Variants in LHFPL3 observed in about 807,000 individuals in gnomAD.
LHFPL3 encodes LHFPL tetraspan subfamily member 3 protein.
A neutral mutation model predicts 19.3 loss-of-function variants in LHFPL3; 5 were observed. That is an observed-to-expected ratio of 0.26 (90% CI 0.14 to 0.54). LHFPL3 has a LOEUF of 0.54. Among genes scored for constraint, LHFPL3 ranks in the 20% least tolerant of loss-of-function variants. LHFPL3 has a pLI of 0.94. For missense variants in LHFPL3, 249 were observed against 307.4 expected, an observed-to-expected ratio of 0.81 and a Z score of 1.42; for synonymous variants, 133 against 126.2, an observed-to-expected ratio of 1.05 and a Z score of -0.36.
rs140107685 is a variant in LHFPL3 at position 104,505,575 on chromosome 7, T to C, written c.445+176351T>C. On this transcript the variant is annotated intron_variant, in intron 1 of 2. Coordinates refer to ENST00000424859, the MANE Select transcript of LHFPL3 (RefSeq NM_199000.3). ...TCTGAGCATGGATGACTGAGTTGTT[T>C]TGTTTGATAGGAAAAAAAAAATTTA... Among the ~76,000 whole-genome samples the C allele has an allele frequency of 1.6e-3, 247 of 152,300 alleles. 1 individual carries two copies. The highest frequency in any genetic ancestry group is 3.5e-3 in the Admixed American group (54 of 15,284).
chr7:104,815,397 C>T (rs1790544689), intron 2 of LHFPL3, among the ~76,000 whole-genome samples: 1 of 152,158 alleles, frequency 6.6e-6, no homozygotes, highest in Non-Finnish European at 1.5e-5. Context: ...TGGCAATGTC[C>T]TATTTCTTGA....
intron 1 of LHFPL3, among the ~76,000 whole-genome samples, chr7:104,563,368 G>A (rs1348221783): frequency 7.2e-5 from 11 of 152,300 alleles, no homozygotes; most frequent in Admixed American, 1.3e-4. Context: ...AGCCAGGTGC[G>A]GGATATAATC....
chr7:104,627,767 G>C (rs1791573976), intron 1 of LHFPL3, among the ~76,000 whole-genome samples: 1 of 152,188 alleles, frequency 6.6e-6, no homozygotes, highest in South Asian at 2.1e-4. Flanking sequence ...TGTAGCTGCT[G>C]TGTGCTGAGA....
At chr7:104,563,754 G>T (rs566981353) in intron 1 of LHFPL3, among the ~76,000 whole-genome samples, 2 of 152,162 alleles carry the variant, frequency 1.3e-5, no homozygotes, top group Non-Finnish European at 1.5e-5. Context: ...CCACACACCA[G>T]ATCTGCCAGC....
chr7:104,358,123 C>T (rs1748700770), intron 1 of LHFPL3, among the ~76,000 whole-genome samples: 1 of 152,120 alleles, frequency 6.6e-6, no homozygotes, highest in African/African-American at 2.4e-5. Flanking sequence ...AGAAGAGACA[C>T]ATTTACTGTG....
chr7:104,617,432 A>G (rs1349125798), intron 1 of LHFPL3, among the ~76,000 whole-genome samples: 2 of 152,196 alleles, frequency 1.3e-5, no homozygotes, highest in Non-Finnish European at 2.9e-5. Context: ...TCTTTTGTAT[A>G]TTTAATTCAT....
intron 1 of LHFPL3, among the ~76,000 whole-genome samples, chr7:104,405,760 G>GA (rs1391410421): frequency 6.6e-6 from 1 of 152,110 alleles, no homozygotes; most frequent in Non-Finnish European, 1.5e-5. Flanking sequence ...GAGCTTTGGG[G>GA]AAAAACAGAG....
At chr7:104,517,856 A>G (rs1278792704) in intron 1 of LHFPL3, among the ~76,000 whole-genome samples, 4 of 151,686 alleles carry the variant, frequency 2.6e-5, no homozygotes, top group Non-Finnish European at 5.9e-5. Flanking sequence ...TGTGAGCAAC[A>G]CTCTTGTTAC....
chr7:104,824,541 AATT>A (rs1790771251), intron 2 of LHFPL3, among the ~76,000 whole-genome samples: 2 of 71,628 alleles, frequency 2.8e-5, no homozygotes, highest in Non-Finnish European at 4.7e-5. Flanking sequence ...TAATATATAT[AATT>A]ATATATAATA....
At chr7:104,698,738 A>G (rs924522787) in intron 1 of LHFPL3, among the ~76,000 whole-genome samples, 1 of 152,232 alleles carries the variant, frequency 6.6e-6, no homozygotes, top group African/African-American at 2.4e-5. Context: ...TCAGCACTAA[A>G]AAGGAATGAA....
At chr7:104,568,030 C>T (rs1790155978) in intron 1 of LHFPL3, among the ~76,000 whole-genome samples, 2 of 152,202 alleles carry the variant, frequency 1.3e-5, no homozygotes, top group South Asian at 4.1e-4. Context: ...CTGGAAGGAG[C>T]TCAAGAGGAT....
chr7:104,862,048 C>G lies in LHFPL3; in HGVS notation c.683-44139C>G, dbSNP rs540825785. On this transcript the variant is annotated intron_variant, in intron 2 of 2. Transcript: ENST00000424859. ...AGCTCACTCTGGCAAGCGATGCTGC[C>G]GAGTATCTCTTACACCATCTTCCAG... is the stretch of plus-strand genomic sequence containing the variant. Among the ~76,000 whole-genome samples, 6 of 152,106 alleles carry G rather than the reference C, an allele frequency of 3.9e-5. No individual in the cohort carries two copies. The South Asian group carries it at 8.3e-4, about 21-fold the overall frequency.
intron 2 of LHFPL3, among the ~76,000 whole-genome samples, chr7:104,860,042 T>C (rs1791584814): frequency 6.6e-6 from 1 of 152,158 alleles, no homozygotes; most frequent in Non-Finnish European, 1.5e-5. Context: ...TATGATGTGA[T>C]AAACACCTGC....
At chr7:104,378,800 C>T (rs1790765519) in intron 1 of LHFPL3, among the ~76,000 whole-genome samples, 1 of 152,176 alleles carries the variant, frequency 6.6e-6, no homozygotes, top group Non-Finnish European at 1.5e-5. Context: ...ATATCTTCTT[C>T]AGTGAAGTGT....
At chr7:104,397,545 T>C (rs1791215917) in intron 1 of LHFPL3, among the ~76,000 whole-genome samples, 1 of 152,256 alleles carries the variant, frequency 6.6e-6, no homozygotes, top group Non-Finnish European at 1.5e-5. Context: ...CCACTTCATA[T>C]ACTTTACCCC....
chr7:104,703,257 C>T (rs1793134117), intron 1 of LHFPL3, among the ~76,000 whole-genome samples: 1 of 152,178 alleles, frequency 6.6e-6, no homozygotes, highest in African/African-American at 2.4e-5. Flanking sequence ...TTGTAGGATA[C>T]AAATTATACA....
chr7:104,440,421 G>T (rs2116579753), intron 1 of LHFPL3, among the ~76,000 whole-genome samples: 1 of 151,412 alleles, frequency 6.6e-6, no homozygotes, highest in Admixed American at 6.6e-5. Context: ...TCGTGGGGTG[G>T]GGGGAGTGGG....
intron 1 of LHFPL3, among the ~76,000 whole-genome samples, chr7:104,634,292 A>T (rs546543653): frequency 6.6e-6 from 1 of 152,200 alleles, no homozygotes; most frequent in Non-Finnish European, 1.5e-5. Flanking sequence ...CAGAGTGCCA[A>T]CATGGTTGGT....
chr7:104,857,896 A>C (rs996728219), intron 2 of LHFPL3, among the ~76,000 whole-genome samples: 5 of 152,212 alleles, frequency 3.3e-5, no homozygotes, highest in African/African-American at 1.2e-4. Flanking sequence ...AAAATTCCAC[A>C]GGAAACGGGG....
Sources: gnomAD v4.1 joint callset for allele counts (sites outside exome capture counted in the v4.1 genomes callset) on GRCh38, gnomAD v4.1.1 for gene constraint, MANE v1.5 for transcripts, NCBI Gene and HGNC (gene_info 2026-07-23, HGNC 2026-07-21) for gene names.